Variants in APBB2 observed in about 807,000 individuals in gnomAD.
APBB2 encodes amyloid beta precursor protein binding family B member 2, also known as Fe65-like 1.
APBB2 carries 38 observed loss-of-function variants against 82.5 expected under a neutral mutation model. That is an observed-to-expected ratio of 0.46 (90% confidence interval 0.36 to 0.60). The LOEUF is 0.60. APBB2 is among the 20% of genes least tolerant of loss of function. APBB2 has a pLI of 0.00. For missense variants in APBB2, 772 were observed against 972.3 expected (o/e 0.79, Z 2.74); for synonymous variants, 341 against 368.2 (o/e 0.93, Z 0.85).
rs546290578 is a variant in APBB2, at chr4:41,146,957, T to C, written c.-416-3815A>G. On this transcript the variant is annotated intron_variant, in intron 1 of 17. Transcript: ENST00000508593. Reference sequence around the variant, plus strand: ...CCGCCTCAACTGAGAAGTCAGGCGCTGGGTGAAAAAAGAAAATGCTTTTTC... The same window carrying C: ...CCGCCTCAACTGAGAAGTCAGGCGCCGGGTGAAAAAAGAAAATGCTTTTTC... 1.5e-3 allele frequency among the ~76,000 whole-genome samples: 236 copies of C among 152,304 alleles called. 1 individual carries two copies. Among genetic ancestry groups the C allele is most frequent in the African/African-American group, 5.6e-3 (232 of 41,560 alleles).
At chr4:40,907,907 C>T (rs933183916) in intron 10 of APBB2, among the ~76,000 whole-genome samples, 3 of 148,594 alleles carry the variant, frequency 2.0e-5, no homozygotes, top group African/African-American at 7.5e-5. Flanking sequence ...GGGCTCAAGC[C>T]ATTTGCTCAC....
At chr4:41,194,888 A>T in intron 1 of APBB2, among the ~76,000 whole-genome samples, 1 of 151,908 alleles carries the variant, frequency 6.6e-6, no homozygotes, top group Admixed American at 6.6e-5. Context: ...ATATTGGATC[A>T]CTCATAAGTT....
intron 6 of APBB2, among the ~76,000 whole-genome samples, chr4:40,950,384 C>T (rs570643171): frequency 1.3e-5 from 2 of 152,264 alleles, no homozygotes; most frequent in East Asian, 1.9e-4. Context: ...CTGAAATAAC[C>T]AAAACCTTGA....
rs189311989 is a variant in APBB2, at chr4:41,059,128, C to A, written c.-51+6448G>T. Among the ~76,000 whole-genome samples, 11 of 151,926 alleles carry A rather than the reference C, an allele frequency of 7.2e-5. No homozygotes were observed. In the East Asian group the frequency reaches 2.1e-3, roughly 29 times the overall value. ...CACCTAGAGGTATGGCATCCAAATA[C>A]AGAACACCCATGAAGCATCAGGTCC... On this transcript the variant is annotated intron_variant, in intron 4 of 17. Coordinates refer to ENST00000508593, the MANE Select transcript of APBB2 (RefSeq NM_004307.2).
intron 10 of APBB2, among the ~76,000 whole-genome samples, chr4:40,928,076 G>T (rs1462601954): frequency 6.6e-6 from 1 of 152,210 alleles, no homozygotes; most frequent in Admixed American, 6.5e-5. Context: ...AAGCTACCTG[G>T]CCGCCTAAAA....
chr4:40,941,856 T>A (rs966793674), intron 7 of APBB2, among the ~76,000 whole-genome samples: 2 of 152,020 alleles, frequency 1.3e-5, no homozygotes, highest in African/African-American at 4.8e-5. Flanking sequence ...AGGCTGCTCC[T>A]CAACTCCTGG....
At chr4:41,129,845 GAAGA>G (rs938865752) in intron 2 of APBB2, among the ~76,000 whole-genome samples, 21 of 151,900 alleles carry the variant, frequency 1.4e-4, no homozygotes, top group Non-Finnish European at 2.5e-4. Flanking sequence ...ATTCCAGTGA[GAAGA>G]GAGAGACAAT....
In APBB2 at chr4:40,816,071, C is replaced by A; in HGVS notation, c.*21G>T. On this transcript the variant is annotated 3_prime_UTR_variant, in exon 18 of 18. Coordinates refer to ENST00000508593, the MANE Select transcript of APBB2 (RefSeq NM_004307.2). ...GCTAGTCAATCTTCAGGTAAATAGC[C>A]GAGTCCTTTTGCATGTGCAGCTATG... The A allele has an allele frequency of 6.2e-7, 1 of 1,604,250 alleles. No homozygotes were observed. Among genetic ancestry groups the A allele is most frequent in the Non-Finnish European group, 8.5e-7 (1 of 1,171,828 alleles).
intron 5 of APBB2, among the ~76,000 whole-genome samples, chr4:41,019,078 C>T (rs1810775344): frequency 6.6e-6 from 1 of 152,150 alleles, no homozygotes; most frequent in Non-Finnish European, 1.5e-5. Context: ...ACACTGGTGA[C>T]TTCTATCATA....
intron 1 of APBB2, among the ~76,000 whole-genome samples, chr4:41,184,508 C>G (rs926888359): frequency 2.0e-5 from 3 of 152,158 alleles, no homozygotes; most frequent in Admixed American, 6.5e-5. Context: ...GCCCCAGAGC[C>G]CTTAATTCCT....
At chr4:41,035,102 G>A (rs956795861) in intron 4 of APBB2, among the ~76,000 whole-genome samples, 2 of 152,060 alleles carry the variant, frequency 1.3e-5, no homozygotes, top group South Asian at 2.1e-4. Flanking sequence ...GTGCTCTTAC[G>A]TGCACATTTC....
chr4:40,982,317 A>T (rs187022075), intron 6 of APBB2, among the ~76,000 whole-genome samples: 1 of 37,962 alleles, frequency 2.6e-5, no homozygotes, highest in Non-Finnish European at 5.7e-5. Context: ...AAAGAAAGAA[A>T]GAAAGAAAAG....
intron 12 of APBB2, among the ~76,000 whole-genome samples, chr4:40,851,531 A>G (rs1369223569): frequency 1.3e-5 from 2 of 152,096 alleles, no homozygotes; most frequent in East Asian, 3.9e-4. Flanking sequence ...ACTTGGCCCC[A>G]TTGTCAATTG....
At chr4:40,975,850 C>T (rs555453685) in intron 6 of APBB2, among the ~76,000 whole-genome samples, 1 of 151,830 alleles carries the variant, frequency 6.6e-6, no homozygotes, top group Non-Finnish European at 1.5e-5. Context: ...AGAACAAATT[C>T]TCTACTGATT....
intron 17 of APBB2, among the ~76,000 whole-genome samples, chr4:40,821,161 C>T (rs1040665641): frequency 5.9e-5 from 9 of 152,226 alleles, no homozygotes; most frequent in African/African-American, 2.2e-4. Flanking sequence ...CCACCACCCC[C>T]GGCCCAGTTC....
intron 7 of APBB2, among the ~76,000 whole-genome samples, chr4:40,942,638 C>T (rs28699337): frequency 6.6e-6 from 1 of 151,850 alleles, no homozygotes; most frequent in Non-Finnish European, 1.5e-5. Context: ...GGCCGAGCAG[C>T]GGGGCTGTTG....
intron 1 of APBB2, among the ~76,000 whole-genome samples, chr4:41,169,993 C>T (rs1211062580): frequency 6.6e-6 from 1 of 152,048 alleles, no homozygotes; most frequent in Non-Finnish European, 1.5e-5. Context: ...TGAGGTTACT[C>T]TAAATTCAAA....
intron 6 of APBB2, among the ~76,000 whole-genome samples, chr4:40,952,185 CAAAAAAAAAAAA>C (rs61159163): frequency 1.2e-3 from 135 of 111,160 alleles, no homozygotes; most frequent in African/African-American, 4.7e-3. Flanking sequence ...GACTCTGTCT[CAAAAAAAAAAAA>C]AAAAAAAAAG....
intron 6 of APBB2, among the ~76,000 whole-genome samples, chr4:40,952,822 T>C (rs1790573459): frequency 6.6e-6 from 1 of 152,178 alleles, no homozygotes; most frequent in African/African-American, 2.4e-5. Flanking sequence ...CAGCAACAAC[T>C]GCAAGGACAC....
Sources: gnomAD v4.1 joint callset for allele counts (sites outside exome capture counted in the v4.1 genomes callset) on GRCh38, gnomAD v4.1.1 for gene constraint, MANE v1.5 for transcripts, NCBI Gene and HGNC (gene_info 2026-07-23, HGNC 2026-07-21) for gene names.